Variants in KIF11 observed in about 807,000 individuals in gnomAD.
The protein encoded by KIF11 is kinesin-like protein KIF11.
In KIF11, 9 loss-of-function variants were observed where a neutral mutation model predicts 121.0. That is an observed-to-expected ratio of 0.07 (90% CI 0.04 to 0.13). The LOEUF is 0.13. KIF11 is among the 10% of genes least tolerant of loss of function. The pLI is 1.00. For missense variants in KIF11, 846 were observed against 1,217.5 expected (o/e 0.69, Z 4.54); for synonymous variants, 408 against 421.0 (o/e 0.97, Z 0.38).
intron 1 of KIF11, among the ~76,000 whole-genome samples, chr10:92,597,999 CTTG>C (rs572050456): frequency 5.3e-5 from 8 of 151,976 alleles, no homozygotes; most frequent in Non-Finnish European, 1.0e-4. Flanking sequence ...ATTGCCCAGA[CTTG>C]TTGTGAACTC....
At position 92,626,815 on chromosome 10, in the gene KIF11, A is replaced by G. The variant is rs537867910; in HGVS notation, c.1218-1993A>G. Among the ~76,000 whole-genome samples, 3 of 152,154 alleles carry G rather than the reference A, an allele frequency of 2.0e-5. No homozygotes were observed. The East Asian group carries it at 5.8e-4, about 29-fold the overall frequency. On this transcript the variant is annotated intron_variant, in intron 10 of 21. Coordinates refer to ENST00000260731, the MANE Select transcript of KIF11 (RefSeq NM_004523.4). The stretch of plus-strand genomic sequence containing the variant: ...CACTCTGTCACCCAGGCTGGAGTGC[A>G]GTGGCGCCATCTTGGCTCACTGCAA...
intron 19 of KIF11, 63 bp from the exon 20 acceptor site, chr10:92,649,772 T>G: frequency 8.4e-7 from 1 of 1,195,874 alleles, no homozygotes; most frequent in Non-Finnish European, 1.2e-6. Flanking sequence ...AAGTTTTAGG[T>G]TTTTTTAAAA....
At position 92,632,601 on chromosome 10, in the gene KIF11, A is replaced by G; in HGVS notation, c.1610A>G (p.Asn537Ser). The change falls in exon 13 of 22, where the codon AAC becomes AGC. Residue 537 changes from asparagine to serine, a missense_variant. Asn to Ser is a conservative substitution (Grantham distance 46). This residue lies in a region of KIF11 where 492 missense variants were observed against 603.4 expected (regional missense o/e 0.82). Transcript: ENST00000260731. ...NAEAQDIFGKNLNSLFNNMEE... is the reference protein window; with the variant it reads ...NAEAQDIFGKSLNSLFNNMEE... ...GAAGCTCAGGATATTTTTGGCAAAAACCTGAATAGTCTGTTTAATAATATG... is the reference window on the plus strand; with the variant it reads ...GAAGCTCAGGATATTTTTGGCAAAAGCCTGAATAGTCTGTTTAATAATATG... The G allele has an allele frequency of 6.2e-7, 1 of 1,613,780 alleles. No homozygotes were observed. Among genetic ancestry groups the G allele is most frequent in the Non-Finnish European group, 8.5e-7 (1 of 1,179,724 alleles).
At chr10:92,635,329 G>GTA (rs1844784417) in intron 14 of KIF11, among the ~76,000 whole-genome samples, 1 of 152,086 alleles carries the variant, frequency 6.6e-6, no homozygotes, top group African/African-American at 2.4e-5. Context: ...ATGGTGGTCT[G>GTA]TATATATATA....
At chr10:92,635,630 A>G (rs1034051629) in intron 14 of KIF11, among the ~76,000 whole-genome samples, 1 of 152,226 alleles carries the variant, frequency 6.6e-6, no homozygotes, top group African/African-American at 2.4e-5. Flanking sequence ...AAAGTTAGAA[A>G]TACTGTAGTA....
At position 92,637,535 on chromosome 10, in the gene KIF11, C is replaced by A. The variant is rs369741638; in HGVS notation, c.2150C>A (p.Thr717Asn). The change falls in exon 16 of 22, where the codon ACC becomes AAC. Residue 717 changes from threonine to asparagine, a missense_variant. Transcript: ENST00000260731. ...GAAGACCTGAAGACAATAAAGCAGA[C>A]CCATTCCCAGGTATGTTGTTTAGCG... ...LTEDLKTIKQ[T>N]HSQELCKLMN... The A allele has an allele frequency of 3.1e-6, 5 of 1,600,400 alleles. No individual in the cohort carries two copies. The highest frequency in any genetic ancestry group is 4.2e-6 in the Non-Finnish European group (5 of 1,177,094).
chr10:92,638,525 TG>T (rs1381531702), intron 16 of KIF11, among the ~76,000 whole-genome samples: 1 of 152,206 alleles, frequency 6.6e-6, no homozygotes, highest in Non-Finnish European at 1.5e-5. Flanking sequence ...ATAAATTTGC[TG>T]TTTTGAAATG....
At chr10:92,634,280 G>A (rs1452886184) in intron 14 of KIF11, among the ~76,000 whole-genome samples, 2 of 151,522 alleles carry the variant, frequency 1.3e-5, no homozygotes. Flanking sequence ...ACCGTGCCCA[G>A]CCAGCCTCTC....
chr10:92,637,836 A>G (rs560084458), intron 16 of KIF11, among the ~76,000 whole-genome samples: 1 of 152,330 alleles, frequency 6.6e-6, no homozygotes, highest in African/African-American at 2.4e-5. Flanking sequence ...ACCTTTAGAG[A>G]AGAATGGTTA....
chr10:92,609,803 C>T (rs1204495607), intron 6 of KIF11, among the ~76,000 whole-genome samples: 2 of 152,136 alleles, frequency 1.3e-5, no homozygotes, highest in Non-Finnish European at 2.9e-5. Context: ...GTGGCGCGAT[C>T]TTGACTCACT....
At chr10:92,643,877 A>G (rs1306303584) in intron 17 of KIF11, among the ~76,000 whole-genome samples, 4 of 152,278 alleles carry the variant, frequency 2.6e-5, no homozygotes, top group East Asian at 1.9e-4. Context: ...AACTCTAGCT[A>G]TCATTTATAT....
chr10:92,621,370 A>T lies in KIF11; in HGVS notation c.1129-15A>T. 6.4e-7 allele frequency: 1 copy of T among 1,551,476 alleles called. No homozygotes were observed. The highest frequency in any genetic ancestry group is 1.1e-5 in the South Asian group (1 of 87,694). On this transcript the variant is annotated splice_polypyrimidine_tract_variant and intron_variant, in intron 9 of 21. Transcript: ENST00000260731. The stretch of plus-strand genomic sequence containing the variant: ...AAAGTACTAAACTGACACCTACAAC[A>T]TTCCTCTTGTGTAGGAGTATACGGA...
chr10:92,612,142 AT>A (rs113912289), intron 6 of KIF11, among the ~76,000 whole-genome samples: 2,007 of 146,086 alleles, frequency 0.014, 49 homozygotes, highest in African/African-American at 0.046. Context: ...TTTTTTTGTG[AT>A]TTTTTTTTTT....
At position 92,653,787 on chromosome 10, in the gene KIF11, C is replaced by G. The variant is rs1564720176; in HGVS notation, c.3162C>G (p.Ile1054Met). The change falls in exon 22 of 22, where the codon ATC (isoleucine) becomes ATG (methionine). Residue 1054 changes from isoleucine (I) to methionine (M), a missense_variant. Ile to Met is a conservative substitution (Grantham distance 10, BLOSUM62 1). This residue lies in a region of KIF11 where 492 missense variants were observed against 603.4 expected (regional missense o/e 0.82). Transcript: ENST00000260731. The part of the protein sequence containing the change: ...TKSRLPLRAQ[I>M]NL ...GCAGATTACCTCTGCGAGCCCAGAT[C>G]AACCTTTAATTCACTTGGGGGTTGG... is the stretch of plus-strand genomic sequence containing the variant. 6.2e-7 allele frequency: 1 copy of G among 1,609,976 alleles called. No homozygotes were observed. Among genetic ancestry groups the G allele is most frequent in the Non-Finnish European group, 8.5e-7 (1 of 1,179,022 alleles).
At chr10:92,597,706 C>A (rs944558168) in intron 1 of KIF11, among the ~76,000 whole-genome samples, 3 of 151,900 alleles carry the variant, frequency 2.0e-5, no homozygotes, top group African/African-American at 7.3e-5. Context: ...GGCTGGAGTG[C>A]ATTGGTACGA....
rs550274154 is a variant in KIF11, at chr10:92,595,874, G to C, written c.77+2422G>C. On this transcript the variant is annotated intron_variant, in intron 1 of 21. Coordinates refer to ENST00000260731, the MANE Select transcript of KIF11 (RefSeq NM_004523.4). ...TTCCACTTAGGCATAATGTCCTCCA[G>C]GTTGGACCATGTTGTAGCAAATGTC... Among the ~76,000 whole-genome samples, 5 of 152,204 alleles carry C rather than the reference G, an allele frequency of 3.3e-5. No individual in the cohort carries two copies. In the East Asian group the frequency reaches 9.6e-4, roughly 29 times the overall value.
chr10:92,594,112 G>C (rs1000078542), intron 1 of KIF11, among the ~76,000 whole-genome samples: 1 of 152,166 alleles, frequency 6.6e-6, no homozygotes, highest in Admixed American at 6.5e-5. Flanking sequence ...AAATAAGCTA[G>C]AAACTGCTGC....
Position 92,621,821 on chromosome 10 carries a change from T to G in KIF11, c.1217+348T>G, listed in dbSNP as rs11187103. Reference sequence around the variant, plus strand: ...TTTCACCATGCTGCCTAGGCTTCTATTTTGTTTTGACATTAACAAGTAGCT... The same window carrying G: ...TTTCACCATGCTGCCTAGGCTTCTAGTTTGTTTTGACATTAACAAGTAGCT... On this transcript the variant is annotated intron_variant, in intron 10 of 21. Coordinates refer to ENST00000260731, the MANE Select transcript of KIF11 (RefSeq NM_004523.4). 4.1e-4 allele frequency among the ~76,000 whole-genome samples: 63 copies of G among 152,090 alleles called. 1 individual carries two copies. In the East Asian group the frequency reaches 9.6e-3, roughly 23 times the overall value.
chr10:92,618,676 A>T (rs1369047730), intron 9 of KIF11, among the ~76,000 whole-genome samples: 1 of 151,850 alleles, frequency 6.6e-6, no homozygotes, highest in Non-Finnish European at 1.5e-5. Context: ...GTAATAATAC[A>T]GAGAAATCCT....
Sources: allele counts gnomAD v4.1 joint callset (sites outside exome capture counted in the v4.1 genomes callset), GRCh38; gene constraint gnomAD v4.1.1; regional missense constraint gnomAD v4.1.1; transcripts MANE v1.5; gene names NCBI Gene and HGNC (gene_info 2026-07-23, HGNC 2026-07-21).